CTNND2: variants seen among roughly 807,000 people sequenced by gnomAD.
CTNND2 encodes catenin delta-2.
Under a neutral mutation model 144.4 loss-of-function variants are expected in CTNND2, and 22 were observed. The observed-to-expected ratio is 0.15, with a 90% CI of 0.11 to 0.22. The LOEUF is 0.22. Ranked by LOEUF, CTNND2 falls within the 10% of genes least tolerant of loss-of-function variation. The pLI, the probability that CTNND2 is intolerant of heterozygous loss-of-function variation, is 1.00. For missense variants in CTNND2, 1,353 were observed against 1,618.8 expected (o/e 0.84, Z 2.82); for synonymous variants, 751 against 695.6 (o/e 1.08, Z -1.25).
At chr5:11,631,435 A>G (rs891506596) in intron 2 of CTNND2, among the ~76,000 whole-genome samples, 32 of 152,168 alleles carry the variant, frequency 2.1e-4, no homozygotes, top group African/African-American at 6.8e-4. Flanking sequence ...CTATTTACTC[A>G]AGATAACCAA....
intron 14 of CTNND2, among the ~76,000 whole-genome samples, chr5:11,104,477 T>C (rs61755681): frequency 0.014 from 2,152 of 152,248 alleles, 59 homozygotes; most frequent in African/African-American, 0.049. Context: ...TCTGCCACTC[T>C]TGCTTGGCTT....
chr5:11,331,892 T>C (rs1027024131), intron 9 of CTNND2, among the ~76,000 whole-genome samples: 6 of 152,198 alleles, frequency 3.9e-5, no homozygotes, highest in Admixed American at 6.5e-5. Context: ...TTATATGGTA[T>C]ATTTCAAAAT....
In CTNND2 at chr5:11,623,811, T is replaced by C. The variant is rs57833586; in HGVS notation, c.175-58755A>G. Among the ~76,000 whole-genome samples the C allele has an allele frequency of 1.7e-3, 16 of 9,598 alleles. No homozygotes were observed. In the East Asian group the frequency reaches 0.028, roughly 17 times the overall value. 6.3% of individuals were successfully genotyped at this position (9,598 alleles called of 152,430 possible). ...GTAAATATATATATGTGTGTATGTA[T>C]ATATATATATATATATATATATATA... On this transcript the variant is annotated intron_variant, in intron 2 of 21. Coordinates refer to ENST00000304623, the MANE Select transcript of CTNND2 (RefSeq NM_001332.4).
intron 7 of CTNND2, among the ~76,000 whole-genome samples, chr5:11,381,689 C>T (rs1758492663): frequency 6.6e-6 from 1 of 152,158 alleles, no homozygotes; most frequent in Admixed American, 6.5e-5. Context: ...TATTGGGGAC[C>T]AGGTGTGGTG....
chr5:11,677,322 C>T (rs1399385625), intron 2 of CTNND2, among the ~76,000 whole-genome samples: 1 of 152,206 alleles, frequency 6.6e-6, no homozygotes, highest in Non-Finnish European at 1.5e-5. Flanking sequence ...TGTTTCTACA[C>T]CTCCTGTGCT....
chr5:11,166,204 G>C (rs1174250786), intron 11 of CTNND2, among the ~76,000 whole-genome samples: 3 of 151,858 alleles, frequency 2.0e-5, no homozygotes, highest in East Asian at 1.9e-4. Context: ...TTGTGTACCT[G>C]GGGGGAGGGG....
At chr5:11,214,091 T>C (rs2036319) in intron 10 of CTNND2, among the ~76,000 whole-genome samples, 31,061 of 152,092 alleles carry the variant, frequency 0.2, 3,309 homozygotes, top group South Asian at 0.25. Context: ...TAGCTACAGA[T>C]GTTGAGAAGG....
chr5:11,614,438 A>C (rs1394216605), intron 2 of CTNND2, among the ~76,000 whole-genome samples: 1 of 152,240 alleles, frequency 6.6e-6, no homozygotes, highest in Non-Finnish European at 1.5e-5. Flanking sequence ...GTGAATCTAC[A>C]GAATCACTTC....
chr5:10,998,651 T>C (rs1739599854), intron 18 of CTNND2, among the ~76,000 whole-genome samples: 1 of 152,194 alleles, frequency 6.6e-6, no homozygotes, highest in Admixed American at 6.5e-5. Flanking sequence ...TCTGTATCTG[T>C]GGGTTCCACA....
chr5:11,890,977 G>A (rs536090591), intron 1 of CTNND2, among the ~76,000 whole-genome samples: 6 of 152,160 alleles, frequency 3.9e-5, no homozygotes, highest in Non-Finnish European at 7.4e-5. Context: ...GCCCTAGGAC[G>A]GCTGTAGGAA....
chr5:11,526,650 CCT>C (rs1277626091), intron 3 of CTNND2, among the ~76,000 whole-genome samples: 2 of 152,134 alleles, frequency 1.3e-5, no homozygotes, highest in Non-Finnish European at 2.9e-5. Context: ...TCAGAATACC[CCT>C]GTGTTTTAGG....
At chr5:11,489,458 T>C (rs1333174594) in intron 3 of CTNND2, among the ~76,000 whole-genome samples, 1 of 152,214 alleles carries the variant, frequency 6.6e-6, no homozygotes, top group African/African-American at 2.4e-5. Flanking sequence ...CACAGTTTGC[T>C]AGAATTTCTT....
chr5:11,553,032 T>A (rs1427933572), intron 3 of CTNND2, among the ~76,000 whole-genome samples: 1 of 152,236 alleles, frequency 6.6e-6, no homozygotes, highest in Non-Finnish European at 1.5e-5. Flanking sequence ...TAAGCGTGCA[T>A]GATTTGGGCA....
rs771244374 is a variant in CTNND2, at chr5:10,988,155, T to C, written c.3299A>G (p.His1100Arg). ...GGAAGTGTGTTCGCCTTTAGCTCCG[T>C]GGTAGGTGGCGTTGCTGCCGGTGCA... Reference protein sequence around the residue: ...YECTGSNATYHGAKGEHTSRK... With the variant: ...YECTGSNATYRGAKGEHTSRK... The change falls in exon 20 of 22, where the codon CAC (histidine) becomes CGC (arginine). Residue 1100 changes from histidine to arginine, a missense_variant. Physicochemically the swap from His to Arg is conservative, Grantham distance 29. Coordinates refer to ENST00000304623, the MANE Select transcript of CTNND2 (RefSeq NM_001332.4). The surrounding 1 kb of genome is among the most constrained non-coding windows in gnomAD (Gnocchi z 5.9). 6.2e-7 allele frequency: 1 copy of C among 1,614,208 alleles called. No individual in the cohort carries two copies. Among genetic ancestry groups the C allele is most frequent in the Non-Finnish European group, 8.5e-7 (1 of 1,180,042 alleles).
Position 11,385,216 on chromosome 5 carries a change from C to T in CTNND2, c.626G>A (p.Arg209His). The change falls in exon 7 of 22, where the codon CGC becomes CAC. Residue 209 changes from arginine to histidine, a missense_variant. Physicochemically the swap from Arg to His is conservative, Grantham distance 29 (BLOSUM62 0). Around this residue, in one of 4 missense-constraint regions of CTNND2, gnomAD observed 708 missense variants for 706.4 expected, o/e 1.00. Transcript: ENST00000304623. ...GQSFSQGTTS[R>H]AGHLAGPEPA... The stretch of plus-strand genomic sequence containing the variant: ...CTCGGGCCCCGCCAGGTGGCCGGCG[C>T]GGCTGGTCGTGCCCTGTGCCCGGGA... The T allele has an allele frequency of 1.9e-6, 2 of 1,055,724 alleles. No individual in the cohort carries two copies. Among genetic ancestry groups the T allele is most frequent in the Non-Finnish European group, 2.3e-6 (2 of 876,816 alleles). The allele number at this position is 1,055,724 out of a possible 1,614,324, so 65.4% of individuals were successfully genotyped here.
intron 3 of CTNND2, among the ~76,000 whole-genome samples, chr5:11,535,658 G>T (rs1001046208): frequency 6.6e-6 from 1 of 152,160 alleles, no homozygotes; most frequent in Non-Finnish European, 1.5e-5. Context: ...GGTATTTTAT[G>T]CTTGACATAG....
At chr5:11,742,262 C>T (rs547175010) in intron 1 of CTNND2, among the ~76,000 whole-genome samples, 2 of 152,194 alleles carry the variant, frequency 1.3e-5, no homozygotes, top group African/African-American at 4.8e-5. Context: ...CGTCCTGTTC[C>T]TTCTCTTCAG....
chr5:11,115,071 C>T (rs949281643), intron 13 of CTNND2, among the ~76,000 whole-genome samples: 2 of 152,224 alleles, frequency 1.3e-5, no homozygotes, highest in African/African-American at 2.4e-5. Context: ...AGTCCACTGG[C>T]ACTGTCTTGA....
intron 3 of CTNND2, among the ~76,000 whole-genome samples, chr5:11,428,413 G>T (rs998840920): frequency 2.0e-5 from 3 of 152,138 alleles, no homozygotes; most frequent in Non-Finnish European, 2.9e-5. Flanking sequence ...GACCTAACTT[G>T]AGGACCCTGT....
Sources: allele counts gnomAD v4.1 joint callset (sites outside exome capture counted in the v4.1 genomes callset), GRCh38; gene constraint gnomAD v4.1.1; regional missense constraint gnomAD v4.1.1; non-coding constraint Gnocchi (gnomAD v3.1); transcripts MANE v1.5; gene names NCBI Gene and HGNC (gene_info 2026-07-23, HGNC 2026-07-21).